Variants in MLLT3 observed in about 807,000 individuals in gnomAD.
MLLT3 encodes MLLT3 super elongation complex subunit.
MLLT3 carries 4 observed loss-of-function variants against 53.2 expected under a neutral mutation model. That is an observed-to-expected ratio of 0.08 (90% CI 0.04 to 0.17). The LOEUF (loss-of-function observed/expected upper bound fraction) is 0.17. Ranked by LOEUF, MLLT3 falls within the 10% of genes least tolerant of loss-of-function variation. The pLI is 1.00. For missense variants in MLLT3, 569 were observed against 684.0 expected (o/e 0.83, Z 1.87); for synonymous variants, 283 against 230.6 (o/e 1.23, Z -2.06).
intron 2 of MLLT3, among the ~76,000 whole-genome samples, chr9:20,556,234 C>T (rs1187048341): frequency 3.9e-5 from 6 of 152,012 alleles, no homozygotes; most frequent in Admixed American, 3.9e-4. Context: ...CTCCATTCCA[C>T]AAATGGAAAT....
chr9:20,370,559 G>A (rs533238276), intron 5 of MLLT3, among the ~76,000 whole-genome samples: 11 of 151,868 alleles, frequency 7.2e-5, no homozygotes, highest in Middle Eastern at 3.4e-3. Flanking sequence ...TGCCTAGGCT[G>A]CAGTACAATG....
intron 2 of MLLT3, among the ~76,000 whole-genome samples, chr9:20,555,380 TC>T (rs1209998604): frequency 6.6e-6 from 1 of 152,142 alleles, no homozygotes; most frequent in Admixed American, 6.6e-5. Context: ...GGTCTTGAAC[TC>T]CTGGGTTCAA....
chr9:20,596,498 T>C (rs1820270670), intron 2 of MLLT3, among the ~76,000 whole-genome samples: 1 of 152,188 alleles, frequency 6.6e-6, no homozygotes, highest in Admixed American at 6.5e-5. Context: ...AAGACCAGCC[T>C]GGCCAACATG....
intron 8 of MLLT3, 49 bp from the exon 9 acceptor site, chr9:20,354,928 T>C (rs1289500054): frequency 1.5e-6 from 2 of 1,374,604 alleles, no homozygotes; most frequent in Non-Finnish European, 1.0e-6. Context: ...AAGCATCTCT[T>C]AGCTAACCAG....
intron 4 of MLLT3, among the ~76,000 whole-genome samples, chr9:20,430,830 T>C (rs1823249561): frequency 6.6e-6 from 1 of 151,988 alleles, no homozygotes; most frequent in Admixed American, 6.6e-5. Context: ...AATATGTCAA[T>C]AGTAAATAGA....
At chr9:20,553,722 T>A (rs548147922) in intron 2 of MLLT3, among the ~76,000 whole-genome samples, 3 of 152,308 alleles carry the variant, frequency 2.0e-5, no homozygotes, top group African/African-American at 7.2e-5. Context: ...GACATTCTTA[T>A]CTTACAGATC....
intron 5 of MLLT3, among the ~76,000 whole-genome samples, chr9:20,406,955 G>A (rs1023770754): frequency 1.3e-5 from 2 of 152,166 alleles, no homozygotes; most frequent in Non-Finnish European, 2.9e-5. Flanking sequence ...CCTTGACACT[G>A]CTTGCAAAGT....
At chr9:20,548,647 C>A (rs887305230) in intron 2 of MLLT3, among the ~76,000 whole-genome samples, 1 of 152,030 alleles carries the variant, frequency 6.6e-6, no homozygotes, top group African/African-American at 2.4e-5. Flanking sequence ...AAAAGTCATC[C>A]CCTGTCCCAG....
At position 20,447,589 on chromosome 9, in the gene MLLT3, C is replaced by T. The variant is rs181884780; in HGVS notation, c.420+534G>A. On this transcript the variant is annotated intron_variant, in intron 4 of 10. Transcript: ENST00000380338. ...ATCACAAGGGCAAAAGTTTACAACACTTTTGCTACCATTACTTTAAAAAGG... is the reference window on the plus strand; with the variant it reads ...ATCACAAGGGCAAAAGTTTACAACATTTTTGCTACCATTACTTTAAAAAGG... Among the ~76,000 whole-genome samples, 141 of 152,292 alleles carry T rather than the reference C, an allele frequency of 9.3e-4. 5 individuals carry two copies. The East Asian group carries it at 0.022, about 23-fold the overall frequency.
chr9:20,345,892 G>A lies in MLLT3; in HGVS notation c.*551C>T, dbSNP rs1184337762. On this transcript the variant is annotated 3_prime_UTR_variant, in exon 11 of 11. Transcript: ENST00000380338. ...GTTAAAGGACTTGGAAAAAGTTGGT[G>A]GAAAGTGGCACGGTATACGAGTAAG... 2 of 230,338 alleles carry A rather than the reference G, an allele frequency of 8.7e-6. No individual in the cohort carries two copies. The highest frequency in any genetic ancestry group is 4.4e-5 in the African/African-American group (2 of 45,184). 14.3% of individuals were successfully genotyped at this position (230,338 alleles called of 1,614,324 possible).
At chr9:20,499,802 C>T (rs565839679) in intron 2 of MLLT3, among the ~76,000 whole-genome samples, 72 of 152,248 alleles carry the variant, frequency 4.7e-4, no homozygotes, top group African/African-American at 1.7e-3. Flanking sequence ...ATGTAGCATC[C>T]TCCTGTAGTC....
intron 2 of MLLT3, among the ~76,000 whole-genome samples, chr9:20,483,149 C>T (rs1459493958): frequency 6.6e-6 from 1 of 152,144 alleles, no homozygotes; most frequent in African/African-American, 2.4e-5. Flanking sequence ...AAATCCCACA[C>T]CCAGTAATCC....
rs567920888 is a variant in MLLT3, at chr9:20,616,676, C to T, written c.193+3978G>A. Among the ~76,000 whole-genome samples, 9 of 152,250 alleles carry T rather than the reference C, an allele frequency of 5.9e-5. No individual in the cohort carries two copies. The East Asian group carries it at 1.3e-3, about 23-fold the overall frequency. On this transcript the variant is annotated intron_variant, in intron 2 of 10. Coordinates refer to ENST00000380338, the MANE Select transcript of MLLT3 (RefSeq NM_004529.4). ...AAATGAGATCACAATGATTTAGCAACTTGCCTTATTTCACTTAATTATTCT... is the reference window on the plus strand; with the variant it reads ...AAATGAGATCACAATGATTTAGCAATTTGCCTTATTTCACTTAATTATTCT...
chr9:20,557,668 G>C (rs1358928158), intron 2 of MLLT3, among the ~76,000 whole-genome samples: 3 of 152,148 alleles, frequency 2.0e-5, no homozygotes, highest in African/African-American at 7.2e-5. Context: ...CCTTCCTAGA[G>C]AAAGGCACTA....
chr9:20,393,495 T>C (rs1563948154), intron 5 of MLLT3, among the ~76,000 whole-genome samples: 1 of 152,236 alleles, frequency 6.6e-6, no homozygotes, highest in Non-Finnish European at 1.5e-5. Flanking sequence ...TGTAGCACTA[T>C]ATCATCTACA....
chr9:20,482,465 C>T (rs553269117), intron 2 of MLLT3, among the ~76,000 whole-genome samples: 13 of 152,316 alleles, frequency 8.5e-5, no homozygotes, highest in South Asian at 8.3e-4. Flanking sequence ...GTCATTGGAA[C>T]ACTCATTCTA....
intron 5 of MLLT3, chr9:20,380,214 C>G (rs1217226438): frequency 6.6e-6 from 1 of 151,874 alleles, no homozygotes; most frequent in Non-Finnish European, 1.5e-5. Context: ...CACAGGATGT[C>G]CTTCAACAAT....
chr9:20,615,013 A>G (rs1820790290), intron 2 of MLLT3, among the ~76,000 whole-genome samples: 1 of 151,884 alleles, frequency 6.6e-6, no homozygotes, highest in African/African-American at 2.4e-5. Flanking sequence ...AATGAATATA[A>G]AAGACTTCTG....
At chr9:20,590,107 T>C (rs79735123) in intron 2 of MLLT3, among the ~76,000 whole-genome samples, 56 of 152,290 alleles carry the variant, frequency 3.7e-4, no homozygotes, top group African/African-American at 1.3e-3. Flanking sequence ...CTGTTAGAAG[T>C]TGGAAAATCT....
Sources: allele counts gnomAD v4.1 joint callset (sites outside exome capture counted in the v4.1 genomes callset), GRCh38; gene constraint gnomAD v4.1.1; transcripts MANE v1.5; gene names NCBI Gene and HGNC (gene_info 2026-07-23, HGNC 2026-07-21).